Variants in ANKRD31 observed in about 807,000 individuals in gnomAD.
ANKRD31 encodes ankyrin repeat domain-containing protein 31.
A neutral mutation model predicts 186.0 loss-of-function variants in ANKRD31; 147 were observed. That is an observed-to-expected ratio of 0.79 (90% CI 0.69 to 0.91). ANKRD31 has a LOEUF of 0.91. Ranked by LOEUF, ANKRD31 falls within the 40% of genes least tolerant of loss-of-function variation. The probability of loss-of-function intolerance (pLI) is 0.00; values close to 1 mark genes in which losing one functional copy is unlikely to be tolerated. For synonymous variants in ANKRD31, 673 were observed against 736.4 expected (o/e 0.91, Z 1.39); for missense variants, 1,986 against 2,148.8 (o/e 0.92, Z 1.50).
In ANKRD31 at chr5:75,236,816, G is replaced by A; in HGVS notation, c.-130C>T. On this transcript the variant is annotated 5_prime_UTR_variant, in exon 1 of 26. Coordinates refer to ENST00000506364, the MANE Select transcript of ANKRD31 (RefSeq NM_001372053.1). The stretch of plus-strand genomic sequence containing the variant: ...AATAATATAATCGCAGCAGGAGCCG[G>A]GACTTGTCGCAGGGCTGCTGAGGAG... The A allele has an allele frequency of 3.7e-6, 3 of 808,410 alleles. No individual in the cohort carries two copies. The highest frequency in any genetic ancestry group is 5.6e-6 in the Non-Finnish European group (3 of 539,238). 50.1% of individuals were successfully genotyped at this position (808,410 alleles called of 1,614,324 possible). A position where few individuals can be genotyped will look rare whatever the true frequency, so the allele number is the denominator to read the frequency against.
chr5:75,081,670 T>A (rs747373180), intron 24 of ANKRD31, among the ~76,000 whole-genome samples: 17 of 143,532 alleles, frequency 1.2e-4, no homozygotes, highest in Non-Finnish European at 2.0e-4. Flanking sequence ...TTGGGGTGGG[T>A]GGTGGGGAGG....
At chr5:75,124,603 GCA>G (rs1221687419) in intron 17 of ANKRD31, among the ~76,000 whole-genome samples, 4 of 151,758 alleles carry the variant, frequency 2.6e-5, no homozygotes, top group Non-Finnish European at 5.9e-5. Context: ...ACACGTGCAT[GCA>G]CACACACACA....
chr5:75,179,315 G>A (rs1401190717), intron 10 of ANKRD31, among the ~76,000 whole-genome samples: 13 of 152,106 alleles, frequency 8.5e-5, no homozygotes, highest in African/African-American at 2.2e-4. Flanking sequence ...ACAAGGAGGA[G>A]CTGGTACCAT....
In ANKRD31 at chr5:75,146,791, T is replaced by C. The variant is rs1326670749; in HGVS notation, c.2620A>G (p.Ser874Gly). The C allele has an allele frequency of 1.3e-6, 2 of 1,536,244 alleles. No individual in the cohort carries two copies. Among genetic ancestry groups the C allele is most frequent in the African/African-American group, 1.4e-5 (1 of 73,080 alleles). ...HHVLYKSHEN[S>G]NLVPKDERFN... ...CTCTCATCTTTTGGGACCAAGTTAC[T>C]GTTTTCATGAGATTTATAAAGTACA... Residue 874 changes from serine (S) to glycine (G), a missense_variant, in exon 14 of 26, where the codon AGT becomes GGT. Coordinates refer to ENST00000506364, the MANE Select transcript of ANKRD31 (RefSeq NM_001372053.1).
chr5:75,222,180 A>C (rs909163223), intron 3 of ANKRD31, 69 bp downstream of exon 3: 2 of 1,099,056 alleles, frequency 1.8e-6, no homozygotes, highest in African/African-American at 3.3e-5. Context: ...TATCATTAGT[A>C]ATTTGCCACT....
At chr5:75,099,344 T>C (rs1040024362) in intron 22 of ANKRD31, among the ~76,000 whole-genome samples, 14 of 152,222 alleles carry the variant, frequency 9.2e-5, no homozygotes, top group African/African-American at 3.1e-4. Flanking sequence ...AGTATTTTAT[T>C]GAGGATTTTT....
intron 10 of ANKRD31, among the ~76,000 whole-genome samples, chr5:75,179,933 A>G (rs565323012): frequency 6.6e-6 from 1 of 152,296 alleles, no homozygotes; most frequent in East Asian, 1.9e-4. Flanking sequence ...GGAAAAGAAG[A>G]AGTCAAATTG....
chr5:75,158,349 T>A (rs1353758750), intron 11 of ANKRD31, among the ~76,000 whole-genome samples: 4 of 151,964 alleles, frequency 2.6e-5, no homozygotes, highest in South Asian at 4.2e-4. Flanking sequence ...AAGAAAAAAA[T>A]TTTGCAAACA....
chr5:75,191,489 A>G (rs1369619920), intron 9 of ANKRD31, among the ~76,000 whole-genome samples: 1 of 152,028 alleles, frequency 6.6e-6, no homozygotes, highest in Non-Finnish European at 1.5e-5. Flanking sequence ...AGTCTCTCAT[A>G]TTTACTTTTC....
At chr5:75,120,657 G>GA (rs904252286) in intron 17 of ANKRD31, among the ~76,000 whole-genome samples, 19 of 151,674 alleles carry the variant, frequency 1.3e-4, no homozygotes, top group Admixed American at 6.6e-5. Flanking sequence ...ATAGCATAAA[G>GA]AAAAAACTGA....
chr5:75,227,735 T>C (rs1447606012), intron 2 of ANKRD31, among the ~76,000 whole-genome samples: 1 of 152,126 alleles, frequency 6.6e-6, no homozygotes, highest in East Asian at 1.9e-4. Flanking sequence ...AGGTCCCCAA[T>C]CCCTGGACCA....
chr5:75,222,947 G>A (rs1002290739), intron 2 of ANKRD31, among the ~76,000 whole-genome samples: 1 of 152,054 alleles, frequency 6.6e-6, no homozygotes, highest in Non-Finnish European at 1.5e-5. Flanking sequence ...ATAATCCTTT[G>A]GGTTTATACC....
At chr5:75,188,395 A>T in intron 10 of ANKRD31, 98 bp downstream of exon 10, 1 of 1,197,420 alleles carries the variant, frequency 8.4e-7, no homozygotes, top group Non-Finnish European at 1.1e-6. Context: ...TCTGTTTGGA[A>T]CTTACCTTAG....
rs759043502 is a variant in ANKRD31 at position 75,091,297 on chromosome 5, G to T, written c.5436C>A (p.Gly1812=). The T allele has an allele frequency of 1.3e-6, 2 of 1,536,976 alleles. No homozygotes were observed. Among genetic ancestry groups the T allele is most frequent in the South Asian group, 2.4e-5 (2 of 84,004 alleles). ...CATAATTCCAGGTCACATAACTGTT[G>T]CCTCCCAGAAGATCCTTGAGCCAGG... ...PVTWLKDLLG[G]NSYVTWNYAW... Residue 1812 remains glycine, a synonymous_variant, in exon 23 of 26, where the codon GGC becomes GGA. Coordinates refer to ENST00000506364, the MANE Select transcript of ANKRD31 (RefSeq NM_001372053.1).
chr5:75,217,234 T>C (rs529119822), intron 3 of ANKRD31, among the ~76,000 whole-genome samples: 38 of 152,312 alleles, frequency 2.5e-4, no homozygotes, highest in African/African-American at 9.1e-4. Flanking sequence ...AGATGTCTAC[T>C]AGGTCCATTT....
At chr5:75,087,278 G>A (rs1194062349) in intron 23 of ANKRD31, among the ~76,000 whole-genome samples, 3 of 152,124 alleles carry the variant, frequency 2.0e-5, no homozygotes, top group South Asian at 2.1e-4. Context: ...TTGGGAGGCC[G>A]ATGTGGGGGG....
intron 3 of ANKRD31, among the ~76,000 whole-genome samples, chr5:75,211,616 T>G (rs1756655527): frequency 6.6e-6 from 1 of 152,226 alleles, no homozygotes; most frequent in South Asian, 2.1e-4. Flanking sequence ...ATCTGCTATG[T>G]ACAAGGGTTC....
chr5:75,137,983 T>A lies in ANKRD31; in HGVS notation c.3749A>T (p.His1250Leu). The change falls in exon 17 of 26, where the codon CAT (histidine) becomes CTT (leucine). Residue 1250 changes from histidine to leucine, a missense_variant. Coordinates refer to ENST00000506364, the MANE Select transcript of ANKRD31 (RefSeq NM_001372053.1). ...AATAGATCCTTCATTAGATGCCTCA[T>A]GAAGTGGTGTCCAACCTAAAAAAAG... ...LNDNAGWTPL[H>L]EASNEGSIDI... 1 of 1,491,956 alleles carries A rather than the reference T, an allele frequency of 6.7e-7. No individual in the cohort carries two copies. Among genetic ancestry groups the A allele is most frequent in the Non-Finnish European group, 8.8e-7 (1 of 1,131,522 alleles). The allele number at this position is 1,491,956 out of a possible 1,614,324, so 92.4% of individuals were successfully genotyped here. A position where few individuals can be genotyped will look rare whatever the true frequency, so the allele number is the denominator to read the frequency against.
intron 17 of ANKRD31, among the ~76,000 whole-genome samples, chr5:75,130,910 C>A (rs1749741595): frequency 6.6e-6 from 1 of 152,222 alleles, no homozygotes; most frequent in African/African-American, 2.4e-5. Context: ...CTCCGGTAGC[C>A]CAGAGGGAGC....
Sources: allele counts gnomAD v4.1 joint callset (sites outside exome capture counted in the v4.1 genomes callset), GRCh38; gene constraint gnomAD v4.1.1; transcripts MANE v1.5; gene names NCBI Gene and HGNC (gene_info 2026-07-23, HGNC 2026-07-21).